Variants in KIF24 observed in about 807,000 individuals in gnomAD.
KIF24 encodes the protein kinesin family member 24, also known as kinesin-like protein KIF24.
In KIF24, 81 loss-of-function variants were observed where a neutral mutation model predicts 118.9. The observed-to-expected ratio is 0.68, with a 90% CI of 0.57 to 0.82. KIF24 has a LOEUF of 0.82. Ranked by LOEUF, KIF24 falls within the 40% of genes least tolerant of loss-of-function variation. The pLI, the probability that KIF24 is intolerant of heterozygous loss-of-function variation, is 0.00. For synonymous variants in KIF24, 599 were observed against 610.0 expected (o/e 0.98, Z 0.27); for missense variants, 1,560 against 1,661.6 (o/e 0.94, Z 1.06).
intron 1 of KIF24, among the ~76,000 whole-genome samples, chr9:34,328,393 G>C (rs1837746732): frequency 6.6e-6 from 1 of 152,208 alleles, no homozygotes; most frequent in Non-Finnish European, 1.5e-5. Context: ...ACTAAAAGGA[G>C]TCTAATAAAA....
At chr9:34,290,512 C>A (rs1836217007) in intron 4 of KIF24, 123 bp from the exon 5 acceptor site, 2 of 591,846 alleles carry the variant, frequency 3.4e-6, no homozygotes, top group Non-Finnish European at 2.9e-6. Context: ...GCTATAAACA[C>A]ATAAACCTTT....
At chr9:34,309,987 A>G (rs1837076102) in intron 2 of KIF24, among the ~76,000 whole-genome samples, 1 of 148,806 alleles carries the variant, frequency 6.7e-6, no homozygotes, top group Admixed American at 6.7e-5. Context: ...TTTTTTTTAC[A>G]AGATTAAAAG....
In KIF24 at chr9:34,259,644, C is replaced by G. The variant is rs1834982444; in HGVS notation, c.1577G>C (p.Ser526Thr). ...GAGAGTGTGTTCAGTGGCCACGTGG[C>G]TTGGTGAGATGTTGGCGATCATGCA... ...KTCMIANISP[S>T]HVATEHTLNT... Residue 526 changes from serine (S) to threonine (T), a missense_variant, in exon 10 of 13, where the codon AGC (serine) becomes ACC (threonine). Physicochemically the swap from Ser to Thr is moderately conservative, Grantham distance 58 (BLOSUM62 1). Around this residue, in one of 3 missense-constraint regions of KIF24, gnomAD observed 964 missense variants for 988.0 expected, o/e 0.98. Coordinates refer to ENST00000402558, the MANE Select transcript of KIF24 (RefSeq NM_194313.4). The G allele has an allele frequency of 6.2e-7, 1 of 1,613,818 alleles. No homozygotes were observed. The highest frequency in any genetic ancestry group is 1.3e-5 in the African/African-American group (1 of 74,922).
chr9:34,281,669 T>C (rs910811398), intron 6 of KIF24, among the ~76,000 whole-genome samples: 1 of 152,202 alleles, frequency 6.6e-6, no homozygotes, highest in Non-Finnish European at 1.5e-5. Flanking sequence ...CTAGAGAGGC[T>C]TGAACTTTGG....
chr9:34,304,096 A>C (rs1836826926), intron 3 of KIF24, among the ~76,000 whole-genome samples: 2 of 152,210 alleles, frequency 1.3e-5, no homozygotes, highest in Admixed American at 1.3e-4. Flanking sequence ...CTAAGTAACA[A>C]GATTTGAAAA....
intron 1 of KIF24, among the ~76,000 whole-genome samples, chr9:34,313,746 T>C (rs7465782): frequency 6.9e-6 from 1 of 145,920 alleles, no homozygotes; most frequent in Admixed American, 6.7e-5. Flanking sequence ...CTGTTTTTTT[T>C]TTTTTGTTTT....
chr9:34,333,067 G>A (rs572391896), upstream of KIF24, among the ~76,000 whole-genome samples: 2 of 152,228 alleles, frequency 1.3e-5, no homozygotes, highest in South Asian at 4.1e-4. Flanking sequence ...AGGAGGGTCT[G>A]GGCAAATTTT....
At chr9:34,290,442 T>A in intron 4 of KIF24, 53 bp from the exon 5 acceptor site, 2 of 1,150,904 alleles carry the variant, frequency 1.7e-6, no homozygotes, top group Non-Finnish European at 2.5e-6. Flanking sequence ...AGTATTAGTT[T>A]ACCCATAGAT....
At chr9:34,305,684 A>C (rs1298225591) in intron 3 of KIF24, among the ~76,000 whole-genome samples, 2 of 152,168 alleles carry the variant, frequency 1.3e-5, no homozygotes, top group African/African-American at 2.4e-5. Context: ...GCTCACTGTA[A>C]TGCAGAACTC....
intron 9 of KIF24, among the ~76,000 whole-genome samples, chr9:34,261,031 C>G (rs904205943): frequency 6.6e-5 from 10 of 152,118 alleles, no homozygotes; most frequent in African/African-American, 2.4e-4. Flanking sequence ...CAGGACTAAC[C>G]ACCTATAAGT....
chr9:34,310,359 G>A (rs10972047), intron 2 of KIF24, among the ~76,000 whole-genome samples: 24,494 of 150,746 alleles, frequency 0.16, 2,340 homozygotes, highest in East Asian at 0.45. Context: ...AAAGTCCTGT[G>A]GATTGTGTAA....
rs1288707747 is a variant in KIF24 at position 34,252,582 on chromosome 9, T to C, written c.*1798A>G. 1 of 152,528 alleles carries C rather than the reference T, an allele frequency of 6.6e-6. No individual in the cohort carries two copies. The highest frequency in any genetic ancestry group is 1.5e-5 in the Non-Finnish European group (1 of 68,030). The allele number at this position is 152,528 out of a possible 1,614,324, so 9.4% of individuals were successfully genotyped here. On this transcript the variant is annotated 3_prime_UTR_variant, in exon 13 of 13. Coordinates refer to ENST00000402558, the MANE Select transcript of KIF24 (RefSeq NM_194313.4). ...CTGTTTTATGGGAGTGGGGGGGCCA[T>C]GTGGTGTATAAAGAGATTTCTTGCT...
intron 3 of KIF24, among the ~76,000 whole-genome samples, chr9:34,302,063 C>T (rs1443457556): frequency 4.8e-5 from 7 of 144,330 alleles, no homozygotes; most frequent in South Asian, 2.2e-4. Context: ...GGCGTGATCT[C>T]GGCTCACTGC....
chr9:34,254,891 C>T (rs1158950989), intron 12 of KIF24, among the ~76,000 whole-genome samples, 181 bp downstream of exon 12: 1 of 152,150 alleles, frequency 6.6e-6, no homozygotes, highest in Non-Finnish European at 1.5e-5. Context: ...CCATCTCCCA[C>T]CTGTACCTAT....
In KIF24 at chr9:34,256,580, T is replaced by C; in HGVS notation, c.3027A>G (p.Arg1009=). 1 of 1,613,998 alleles carries C rather than the reference T, an allele frequency of 6.2e-7. No individual in the cohort carries two copies. The highest frequency in any genetic ancestry group is 1.1e-5 in the South Asian group (1 of 91,080). ...GGATTGGGCCGTCTGCACTGACTTC[T>C]CTCAGAGGTGTGGTGACTGTGTCTC... The part of the protein sequence containing the change: ...DQRDTVTTPL[R]EVSADGPIQV... Residue 1009 remains arginine (R), a synonymous_variant, in exon 11 of 13, where the codon AGA becomes AGG. Transcript: ENST00000402558.
At chr9:34,317,461 C>T (rs1837366448) in intron 1 of KIF24, among the ~76,000 whole-genome samples, 1 of 151,996 alleles carries the variant, frequency 6.6e-6, no homozygotes, top group African/African-American at 2.4e-5. Context: ...TACAGTAGTA[C>T]CTGTCCTCCA....
At chr9:34,299,104 T>C (rs1462454532) in intron 3 of KIF24, among the ~76,000 whole-genome samples, 1 of 151,878 alleles carries the variant, frequency 6.6e-6, no homozygotes, top group Non-Finnish European at 1.5e-5. Context: ...TACACACATA[T>C]ATAAAAATAT....
chr9:34,268,559 G>A (rs1242720679), intron 8 of KIF24, among the ~76,000 whole-genome samples: 2 of 150,322 alleles, frequency 1.3e-5, no homozygotes, highest in African/African-American at 4.9e-5. Context: ...CCAGGCTGGG[G>A]TGCAATGGCA....
chr9:34,333,414 G>A (rs781200934), upstream of KIF24, among the ~76,000 whole-genome samples: 19 of 151,952 alleles, frequency 1.3e-4, no homozygotes, highest in African/African-American at 1.9e-4. Context: ...GTCACTTAAG[G>A]CCAGGAGTTC....
Sources: allele counts gnomAD v4.1 joint callset (sites outside exome capture counted in the v4.1 genomes callset), GRCh38; gene constraint gnomAD v4.1.1; regional missense constraint gnomAD v4.1.1; transcripts MANE v1.5; gene names NCBI Gene and HGNC (gene_info 2026-07-23, HGNC 2026-07-21).